RBFOX1: variants seen among roughly 807,000 people sequenced by gnomAD.
The protein encoded by RBFOX1 is RNA binding fox-1 homolog 1.
Under a neutral mutation model 57.7 loss-of-function variants are expected in RBFOX1, and 8 were observed. The observed-to-expected ratio is 0.14, with a 90% CI of 0.08 to 0.25. The LOEUF (loss-of-function observed/expected upper bound fraction) is 0.25. RBFOX1 is among the 10% of genes least tolerant of loss of function. The probability of loss-of-function intolerance (pLI) is 1.00; values close to 1 mark genes in which losing one functional copy is unlikely to be tolerated. For synonymous variants in RBFOX1, 326 were observed against 222.4 expected (o/e 1.47, Z -4.15); for missense variants, 611 against 548.5 (o/e 1.11, Z -1.14).
chr16:6,805,723 A>G (rs932225490), intron 3 of RBFOX1, among the ~76,000 whole-genome samples: 1 of 152,096 alleles, frequency 6.6e-6, no homozygotes, highest in Non-Finnish European at 1.5e-5. Context: ...ATGCCTCACA[A>G]TGTACCCTCC....
At chr16:5,341,199 A>G (rs192652101) in intron 1 of RBFOX1, among the ~76,000 whole-genome samples, 2 of 152,234 alleles carry the variant, frequency 1.3e-5, no homozygotes, top group Admixed American at 6.5e-5. Flanking sequence ...CAGGGACCAG[A>G]TTGTGCAGGA....
At position 6,504,474 on chromosome 16, in the gene RBFOX1, A is replaced by G. The variant is rs116221658; in HGVS notation, c.-63-150129A>G. On this transcript the variant is annotated intron_variant, in intron 2 of 15. Transcript: ENST00000550418. ...TACCGGGGTAGTATAGAGTGAGAAA[A>G]TTTGCATGAGACCTTTGTAATGTGA... Among the ~76,000 whole-genome samples the G allele has an allele frequency of 5.3e-3, 809 of 152,252 alleles. 7 individuals are homozygous for G. The highest frequency in any genetic ancestry group is 0.018 in the African/African-American group (762 of 41,548).
At chr16:5,726,674 C>T (rs543313549) in intron 3 of RBFOX1, among the ~76,000 whole-genome samples, 2 of 152,164 alleles carry the variant, frequency 1.3e-5, no homozygotes, top group Non-Finnish European at 2.9e-5. Context: ...AGGCTTAACT[C>T]TACTGTATTA....
intron 4 of RBFOX1, among the ~76,000 whole-genome samples, chr16:7,362,939 T>C (rs971246359): frequency 6.6e-6 from 1 of 152,186 alleles, no homozygotes; most frequent in Non-Finnish European, 1.5e-5. Flanking sequence ...GTGTGTGACC[T>C]TGGACAAGTC....
At chr16:5,834,819 T>TAGATAGACAGAC (rs869158252) in intron 3 of RBFOX1, among the ~76,000 whole-genome samples, 4 of 134,356 alleles carry the variant, frequency 3.0e-5, no homozygotes, top group African/African-American at 1.2e-4. Context: ...GATAGATAGA[T>TAGATAGACAGAC]AGACAGACAG....
intron 3 of RBFOX1, among the ~76,000 whole-genome samples, chr16:6,796,988 A>G (rs1373591912): frequency 1.3e-5 from 2 of 152,204 alleles, no homozygotes; most frequent in Admixed American, 6.5e-5. Context: ...GTGGGAAAAC[A>G]TAAGATGCCA....
chr16:5,539,363 C>T lies in RBFOX1; in HGVS notation c.259-59539C>T, dbSNP rs8055174. Reference sequence around the variant, plus strand: ...ATCCCAGCACTTTGGGAGGCTGAGGCGGGTGGATCACTTGAGGTCCGGAAT... The same window carrying T: ...ATCCCAGCACTTTGGGAGGCTGAGGTGGGTGGATCACTTGAGGTCCGGAAT... On this transcript the variant is annotated intron_variant, in intron 2 of 2. Transcript: ENST00000585867. 5.2e-3 allele frequency among the ~76,000 whole-genome samples: 795 copies of T among 151,556 alleles called. 6 individuals carry two copies. The highest frequency in any genetic ancestry group is 5.0e-3 in the Non-Finnish European group (342 of 67,866).
rs1347184880 is a variant in RBFOX1, at chr16:6,959,211, C to CT, written c.-15-92844dup. ...AATACTCGCTCGATTTCAGATTGTA[C>CT]TTAAAAAGTACCTCTCTTTGCTAAG... On this transcript the variant is annotated intron_variant, in intron 3 of 15. Coordinates refer to ENST00000550418, the MANE Select transcript of RBFOX1 (RefSeq NM_018723.4). 4.6e-5 allele frequency among the ~76,000 whole-genome samples: 7 copies of CT among 152,276 alleles called. No individual in the cohort carries two copies. The East Asian group carries it at 1.2e-3, about 25-fold the overall frequency.
intron 3 of RBFOX1, among the ~76,000 whole-genome samples, chr16:6,825,085 C>G (rs1384924861): frequency 2.1e-5 from 3 of 141,796 alleles, no homozygotes. Flanking sequence ...CAACCCCTGT[C>G]ACCCTGGTTC....
At chr16:7,492,035 A>T (rs1416630253) in intron 4 of RBFOX1, among the ~76,000 whole-genome samples, 4 of 152,148 alleles carry the variant, frequency 2.6e-5, no homozygotes, top group Non-Finnish European at 5.9e-5. Flanking sequence ...CCAGCATCAG[A>T]ATCCTGTGTT....
intron 3 of RBFOX1, among the ~76,000 whole-genome samples, chr16:5,620,851 G>C (rs995319752): frequency 6.6e-6 from 1 of 151,892 alleles, no homozygotes; most frequent in Non-Finnish European, 1.5e-5. Context: ...ATTTTTATTT[G>C]TATTTTTTTG....
At chr16:6,818,789 C>A (rs376738705) in intron 3 of RBFOX1, among the ~76,000 whole-genome samples, 1 of 152,168 alleles carries the variant, frequency 6.6e-6, no homozygotes, top group Non-Finnish European at 1.5e-5. Context: ...GCCACTGATG[C>A]CATTTCATCC....
chr16:6,322,009 C>T (rs1485311029), intron 2 of RBFOX1, among the ~76,000 whole-genome samples: 1 of 152,162 alleles, frequency 6.6e-6, no homozygotes, highest in Non-Finnish European at 1.5e-5. Flanking sequence ...ACTCATTGAC[C>T]CATGGGCACC....
intron 3 of RBFOX1, among the ~76,000 whole-genome samples, chr16:6,918,014 C>T (rs1262878350): frequency 6.6e-6 from 1 of 152,164 alleles, no homozygotes; most frequent in African/African-American, 2.4e-5. Flanking sequence ...TGGCCAGGTA[C>T]ATTAGCTCAC....
At chr16:5,617,119 G>A (rs912348322) in intron 3 of RBFOX1, among the ~76,000 whole-genome samples, 7 of 149,452 alleles carry the variant, frequency 4.7e-5, no homozygotes, top group South Asian at 2.1e-4. Context: ...CCCTCCGTCC[G>A]TCCCTCCCTC....
intron 1 of RBFOX1, among the ~76,000 whole-genome samples, chr16:6,130,611 G>A (rs560740027): frequency 1.5e-4 from 23 of 152,164 alleles, no homozygotes; most frequent in Middle Eastern, 3.4e-3. Flanking sequence ...GCAAGAATCC[G>A]TTATTTGCTG....
chr16:6,847,672 A>C (rs1451554808), intron 3 of RBFOX1, among the ~76,000 whole-genome samples: 1 of 152,138 alleles, frequency 6.6e-6, no homozygotes, highest in Non-Finnish European at 1.5e-5. Flanking sequence ...TAACTACAAG[A>C]GGCTGATACG....
chr16:6,191,794 A>C (rs1344468), intron 1 of RBFOX1, among the ~76,000 whole-genome samples: 1 of 151,972 alleles, frequency 6.6e-6, no homozygotes, highest in Non-Finnish European at 1.5e-5. Context: ...TTCACCACAG[A>C]GCTTTCCTTG....
intron 3 of RBFOX1, among the ~76,000 whole-genome samples, chr16:5,772,697 A>C (rs1268118517): frequency 6.6e-6 from 1 of 152,214 alleles, no homozygotes; most frequent in Non-Finnish European, 1.5e-5. Flanking sequence ...GTTTGGACCA[A>C]GGACAATTTG....
Sources: gnomAD v4.1 joint callset for allele counts (sites outside exome capture counted in the v4.1 genomes callset) on GRCh38, gnomAD v4.1.1 for gene constraint, MANE v1.5 for transcripts, NCBI Gene and HGNC (gene_info 2026-07-23, HGNC 2026-07-21) for gene names.